Variants in KAZN observed in about 807,000 individuals in gnomAD.
The protein encoded by KAZN is kazrin, periplakin interacting protein.
KAZN carries 40 observed loss-of-function variants against 87.4 expected under a neutral mutation model. The ratio of observed to expected loss-of-function variants is 0.46; its 90% CI spans 0.36 to 0.60. The LOEUF is 0.60. Among genes scored for constraint, KAZN ranks in the 20% least tolerant of loss-of-function variants. KAZN has a pLI of 0.00. For missense variants in KAZN, 898 were observed against 1,073.9 expected (o/e 0.84, Z 2.29); for synonymous variants, 466 against 458.3 (o/e 1.02, Z -0.22).
chr1:13,924,700 C>T lies in KAZN; in HGVS notation c.91+30944C>T, dbSNP rs1392811284. Among the ~76,000 whole-genome samples, 7 of 152,330 alleles carry T rather than the reference C, an allele frequency of 4.6e-5. No individual in the cohort carries two copies. The East Asian group carries it at 1.4e-3, about 29-fold the overall frequency. Reference sequence around the variant, plus strand: ...GCCCCCTACCCCACTTTGAGTCATCCAGCAATTGCTTCGAGTTGTCTCGCC... The same window carrying T: ...GCCCCCTACCCCACTTTGAGTCATCTAGCAATTGCTTCGAGTTGTCTCGCC... On this transcript the variant is annotated intron_variant, in intron 1 of 16. Coordinates refer to the KAZN transcript ENST00000636203.
At chr1:14,056,766 T>C (rs1642577271) in intron 1 of KAZN, among the ~76,000 whole-genome samples, 1 of 152,276 alleles carries the variant, frequency 6.6e-6, no homozygotes, top group East Asian at 1.9e-4. Context: ...GACACCAGAC[T>C]GGAAATGGCC....
chr1:14,761,805 G>A (rs1361449063), intron 1 of KAZN, among the ~76,000 whole-genome samples: 1 of 151,954 alleles, frequency 6.6e-6, no homozygotes, highest in African/African-American at 2.4e-5. Context: ...ACACCAAGAG[G>A]AAGGTGCTGT....
intron 13 of KAZN, 84 bp from the exon 14 acceptor site, chr1:15,112,329 ATGTGTGTGTGTGTG>A (rs58658629): frequency 0.38 from 240,492 of 636,844 alleles, 19,720 homozygotes; most frequent in Non-Finnish European, 0.41. Context: ...ATTGTCACCA[ATGTGTGTGTGTGTG>A]TGTGTGTGTG....
chr1:14,581,736 A>G (rs1299099736), intron 2 of KAZN, among the ~76,000 whole-genome samples: 6 of 152,270 alleles, frequency 3.9e-5, no homozygotes, highest in Admixed American at 2.0e-4. Flanking sequence ...TTCTCAGACA[A>G]GTCAGGGCCT....
chr1:14,675,084 T>G (rs969198391), intron 1 of KAZN, among the ~76,000 whole-genome samples: 3 of 152,190 alleles, frequency 2.0e-5, no homozygotes, highest in African/African-American at 7.2e-5. Context: ...AGTCTCGTGG[T>G]GTTAGTTATT....
At chr1:13,970,712 A>G (rs979778190) in intron 1 of KAZN, among the ~76,000 whole-genome samples, 5 of 152,188 alleles carry the variant, frequency 3.3e-5, no homozygotes, top group African/African-American at 9.6e-5. Flanking sequence ...GCCAATGCCT[A>G]TTCTTAACAA....
At position 14,925,413 on chromosome 1, in the gene KAZN, A is replaced by ATTCC. The variant is rs1484700701; in HGVS notation, c.227-35270_227-35269insTCCT. On this transcript the variant is annotated intron_variant, in intron 1 of 14. Coordinates refer to ENST00000376030, the MANE Select transcript of KAZN (RefSeq NM_201628.3). ...GAAAAACGGGAGGGGGAGGCACAAC[A>ATTCC]TAATTATTCCTTATTCATCGAACAC... is the stretch of plus-strand genomic sequence containing the variant. 2.0e-5 allele frequency among the ~76,000 whole-genome samples: 3 copies of ATTCC among 152,234 alleles called. No homozygotes were observed. The East Asian group carries it at 5.8e-4, about 29-fold the overall frequency.
rs1662198064 is a variant in KAZN, at chr1:14,949,282, A to T, written c.227-11402A>T. ...TTAAAACAACAGTTAATAAATACTA[A>T]CTTAAAAACAAAAAAAAGAAAAAGA... is the stretch of plus-strand genomic sequence containing the variant. On this transcript the variant is annotated intron_variant, in intron 1 of 14. Transcript: ENST00000376030. This position sits in a 1 kb window ranked among gnomAD's most constrained non-coding sequence, Gnocchi z 4.3. Among the ~76,000 whole-genome samples, 1 of 151,946 alleles carries T rather than the reference A, an allele frequency of 6.6e-6. No individual in the cohort carries two copies.
chr1:14,873,783 G>T (rs892390678), intron 1 of KAZN, among the ~76,000 whole-genome samples: 2 of 152,224 alleles, frequency 1.3e-5, no homozygotes, highest in Non-Finnish European at 2.9e-5. Flanking sequence ...GCATGAGTTT[G>T]TGGTGGCTGG....
chr1:13,907,310 C>T (rs931816595), intron 1 of KAZN, among the ~76,000 whole-genome samples: 1 of 152,092 alleles, frequency 6.6e-6, no homozygotes, highest in East Asian at 1.9e-4. Flanking sequence ...CGAATGTCTC[C>T]CTATAGTGAG....
chr1:15,044,615 C>G (rs11590938), intron 4 of KAZN, among the ~76,000 whole-genome samples: 21,081 of 151,746 alleles, frequency 0.14, 1,742 homozygotes, highest in Admixed American at 0.2. Flanking sequence ...CTGGTACATG[C>G]CTGTAGTCCC....
chr1:14,598,692 G>C lies in KAZN; in HGVS notation c.-306G>C, dbSNP rs1676680521. 1 of 1,306,850 alleles carries C rather than the reference G, an allele frequency of 7.7e-7. No homozygotes were observed. The highest frequency in any genetic ancestry group is 4.3e-5 in the Admixed American group (1 of 23,206). The allele number at this position is 1,306,850 out of a possible 1,614,324, so 81.0% of individuals were successfully genotyped here. A position where few individuals can be genotyped will look rare whatever the true frequency, so the allele number is the denominator to read the frequency against. On this transcript the variant is annotated 5_prime_UTR_variant, in exon 1 of 15. Coordinates refer to ENST00000376030, the MANE Select transcript of KAZN (RefSeq NM_201628.3). This position sits in a 1 kb window ranked among gnomAD's most constrained non-coding sequence, Gnocchi z 4.2. ...CTGGTGGCGCGCGGTGTCCTTCTTG[G>C]AGCAGCTCTCGGCGCCCGCCCGCCG...
intron 2 of KAZN, among the ~76,000 whole-genome samples, chr1:14,976,372 A>G (rs1665623354): frequency 6.6e-6 from 1 of 152,104 alleles, no homozygotes; most frequent in Non-Finnish European, 1.5e-5. Flanking sequence ...CCCCGGCCAC[A>G]AGAAGGACCG....
chr1:14,568,109 T>G (rs1007821536), intron 2 of KAZN, among the ~76,000 whole-genome samples: 1 of 152,188 alleles, frequency 6.6e-6, no homozygotes, highest in African/African-American at 2.4e-5. Context: ...CCTGACCTCA[T>G]CAGGTGAGCC....
chr1:14,845,955 A>G (rs960255412), intron 1 of KAZN, among the ~76,000 whole-genome samples: 1 of 152,168 alleles, frequency 6.6e-6, no homozygotes, highest in African/African-American at 2.4e-5. Flanking sequence ...AGGAGTCCTC[A>G]AGCCAAGTTA....
At chr1:14,467,427 A>G (rs890441966) in intron 2 of KAZN, among the ~76,000 whole-genome samples, 9 of 152,026 alleles carry the variant, frequency 5.9e-5, no homozygotes, top group African/African-American at 1.7e-4. Context: ...AATAAAAAAG[A>G]CTTAAGATAT....
intron 1 of KAZN, among the ~76,000 whole-genome samples, chr1:14,817,949 G>A (rs34753595): frequency 0.23 from 35,119 of 152,152 alleles, 4,327 homozygotes; most frequent in African/African-American, 0.29. Flanking sequence ...CATGCTCAGA[G>A]CTGGAACAAT....
chr1:14,887,129 A>T (rs564988070), intron 1 of KAZN, among the ~76,000 whole-genome samples: 11 of 152,302 alleles, frequency 7.2e-5, no homozygotes, highest in African/African-American at 2.6e-4. Context: ...ATAAATGCTA[A>T]TGCCCCTTTC....
intron 6 of KAZN, chr1:15,063,119 G>T (rs367750702): frequency 3.8e-4 from 65 of 172,740 alleles, no homozygotes; most frequent in African/African-American, 1.4e-3. Flanking sequence ...GAGATTCATT[G>T]TGTCGGTTGT....
Sources: gnomAD v4.1 joint callset for allele counts (sites outside exome capture counted in the v4.1 genomes callset) on GRCh38, gnomAD v4.1.1 for gene constraint, Gnocchi (gnomAD v3.1) non-coding constraint, MANE v1.5 for transcripts, NCBI Gene and HGNC (gene_info 2026-07-23, HGNC 2026-07-21) for gene names.